Variants in DCC observed in about 807,000 individuals in gnomAD.
DCC encodes the protein DCC netrin 1 receptor, also known as netrin receptor DCC.
DCC carries 58 observed loss-of-function variants against 172.5 expected under a neutral mutation model. The ratio of observed to expected loss-of-function variants is 0.34; its 90% CI spans 0.27 to 0.42. The LOEUF (loss-of-function observed/expected upper bound fraction) is 0.42. Among genes scored for constraint, DCC ranks in the 10% least tolerant of loss-of-function variants. The pLI, the probability that DCC is intolerant of heterozygous loss-of-function variation, is 1.00. For synonymous variants in DCC, 709 were observed against 644.5 expected (o/e 1.10, Z -1.52); for missense variants, 1,740 against 1,791.0 (o/e 0.97, Z 0.51).
intron 12 of DCC, among the ~76,000 whole-genome samples, chr18:53,237,613 A>G (rs539269897): frequency 2.0e-5 from 3 of 152,304 alleles, no homozygotes; most frequent in Non-Finnish European, 2.9e-5. Flanking sequence ...CTGACTAAAC[A>G]TACAATTTAG....
chr18:52,636,635 A>G (rs2034785710), intron 1 of DCC, among the ~76,000 whole-genome samples: 1 of 151,936 alleles, frequency 6.6e-6, no homozygotes, highest in Admixed American at 6.5e-5. Context: ...ATACAACTCC[A>G]GTATACAACT....
intron 1 of DCC, among the ~76,000 whole-genome samples, chr18:52,543,144 G>A (rs2032507698): frequency 6.6e-6 from 1 of 152,120 alleles, no homozygotes; most frequent in African/African-American, 2.4e-5. Context: ...GAGAAGTGCT[G>A]CCAAATAGAA....
intron 15 of DCC, among the ~76,000 whole-genome samples, chr18:53,378,040 C>A (rs1907433956): frequency 6.6e-6 from 1 of 152,132 alleles, no homozygotes; most frequent in Admixed American, 6.5e-5. Flanking sequence ...CAGCTCACTG[C>A]AACTTCTGCG....
At chr18:53,515,699 A>G (rs887586372) in intron 27 of DCC, among the ~76,000 whole-genome samples, 7 of 150,884 alleles carry the variant, frequency 4.6e-5, no homozygotes, top group African/African-American at 1.7e-4. Flanking sequence ...CCCATTCACA[A>G]TTGCTTCAAA....
chr18:52,690,479 C>A (rs1298737778), intron 1 of DCC, among the ~76,000 whole-genome samples: 3 of 151,988 alleles, frequency 2.0e-5, no homozygotes, highest in African/African-American at 7.2e-5. Context: ...AGGATATTGA[C>A]AAAATTACAG....
chr18:53,412,270 A>G (rs1910027390), intron 20 of DCC, among the ~76,000 whole-genome samples: 2 of 152,182 alleles, frequency 1.3e-5, no homozygotes, highest in Admixed American at 1.3e-4. Context: ...ATGCTCGATA[A>G]TAGTCAATTC....
At chr18:53,231,130 A>C (rs1278197962) in intron 12 of DCC, among the ~76,000 whole-genome samples, 2 of 152,018 alleles carry the variant, frequency 1.3e-5, no homozygotes, top group Non-Finnish European at 1.5e-5. Context: ...CAGGAGTCGG[A>C]GGTTACAATA....
chr18:52,668,446 G>T (rs1430041860), intron 1 of DCC, among the ~76,000 whole-genome samples: 1 of 152,070 alleles, frequency 6.6e-6, no homozygotes, highest in Non-Finnish European at 1.5e-5. Context: ...AGAAAAATCG[G>T]CAAAAGAAAA....
chr18:53,438,305 C>T (rs574500600), intron 22 of DCC, among the ~76,000 whole-genome samples: 26 of 152,262 alleles, frequency 1.7e-4, no homozygotes, highest in African/African-American at 5.5e-4. Flanking sequence ...CACTACTGAG[C>T]AGTGGTTATG....
chr18:53,474,516 C>A (rs1209198350), intron 25 of DCC, among the ~76,000 whole-genome samples: 2 of 152,120 alleles, frequency 1.3e-5, no homozygotes, highest in Admixed American at 6.5e-5. Context: ...CTTTCCTGTG[C>A]TATTCTTGTG....
chr18:53,097,782 C>G (rs1264207630), intron 7 of DCC, among the ~76,000 whole-genome samples: 2 of 152,140 alleles, frequency 1.3e-5, no homozygotes, highest in Admixed American at 6.6e-5. Context: ...CTTACTGTGT[C>G]TTCGCATGAC....
intron 5 of DCC, among the ~76,000 whole-genome samples, chr18:53,003,971 C>T (rs2041606843): frequency 2.0e-5 from 3 of 152,104 alleles, no homozygotes; most frequent in South Asian, 2.1e-4. Flanking sequence ...ATTTTATATA[C>T]AACTCTCATC....
chr18:52,702,056 G>A (rs953471048), intron 1 of DCC, among the ~76,000 whole-genome samples: 4 of 152,158 alleles, frequency 2.6e-5, no homozygotes, highest in African/African-American at 9.7e-5. Flanking sequence ...TAATGGCACA[G>A]GGATCCACCA....
At chr18:53,180,739 T>C (rs985195724) in intron 9 of DCC, among the ~76,000 whole-genome samples, 2 of 152,146 alleles carry the variant, frequency 1.3e-5, no homozygotes, top group Non-Finnish European at 2.9e-5. Flanking sequence ...TCGCGGCTCA[T>C]TGCAACCTCC....
At chr18:53,047,223 C>A (rs1341488512) in intron 5 of DCC, among the ~76,000 whole-genome samples, 1 of 71,442 alleles carries the variant, frequency 1.4e-5, no homozygotes, top group Non-Finnish European at 2.8e-5. Flanking sequence ...GGTGAGCCAT[C>A]CCTGCAGGTA....
At chr18:53,298,371 A>T (rs932841923) in intron 12 of DCC, among the ~76,000 whole-genome samples, 2 of 151,878 alleles carry the variant, frequency 1.3e-5, no homozygotes, top group Non-Finnish European at 2.9e-5. Flanking sequence ...CCCTGTCTCT[A>T]CAAAAAATAC....
intron 14 of DCC, among the ~76,000 whole-genome samples, chr18:53,329,484 A>G (rs527312097): frequency 6.6e-6 from 1 of 152,146 alleles, no homozygotes; most frequent in Non-Finnish European, 1.5e-5. Flanking sequence ...TAGTTTAAAC[A>G]TTGAAAAGAA....
chr18:53,177,376 A>G (rs6417121), intron 8 of DCC, among the ~76,000 whole-genome samples: 88,112 of 152,008 alleles, frequency 0.58, 26,642 homozygotes, highest in East Asian at 0.73. Flanking sequence ...CTAACGTCCC[A>G]TTCTCCCATC....
intron 14 of DCC, among the ~76,000 whole-genome samples, chr18:53,326,141 G>A (rs149114849): frequency 0.011 from 1,639 of 152,214 alleles, 19 homozygotes; most frequent in Non-Finnish European, 0.014. Flanking sequence ...TCTTATGGAT[G>A]AGAATTGCAA....
Sources: gnomAD v4.1 joint callset for allele counts (sites outside exome capture counted in the v4.1 genomes callset) on GRCh38, gnomAD v4.1.1 for gene constraint, MANE v1.5 for transcripts, NCBI Gene and HGNC (gene_info 2026-07-23, HGNC 2026-07-21) for gene names.